PRKG1: variants seen among roughly 807,000 people sequenced by gnomAD.
PRKG1 encodes cGMP-dependent protein kinase 1.
Under a neutral mutation model 88.1 loss-of-function variants are expected in PRKG1, and 35 were observed. The observed-to-expected ratio is 0.40, with a 90% CI of 0.30 to 0.53. PRKG1 has a LOEUF of 0.53. Among genes scored for constraint, PRKG1 ranks in the 20% least tolerant of loss-of-function variants. The probability of loss-of-function intolerance (pLI) is 0.59; values close to 1 mark genes in which losing one functional copy is unlikely to be tolerated. For missense variants in PRKG1, 540 were observed against 839.8 expected (o/e 0.64, Z 4.41); for synonymous variants, 303 against 292.5 (o/e 1.04, Z -0.37).
At chr10:52,270,865 TATA>T (rs542904681) in intron 10 of PRKG1, among the ~76,000 whole-genome samples, 32 of 151,650 alleles carry the variant, frequency 2.1e-4, no homozygotes, top group South Asian at 2.1e-3. Flanking sequence ...GAACTTAAAG[TATA>T]ATAATAATAA....
At chr10:52,261,972 CA>C (rs1263919873) in intron 10 of PRKG1, among the ~76,000 whole-genome samples, 1 of 152,026 alleles carries the variant, frequency 6.6e-6, no homozygotes, top group Non-Finnish European at 1.5e-5. Context: ...TGGCCATGTC[CA>C]AAAAGTTATT....
intron 2 of PRKG1, among the ~76,000 whole-genome samples, chr10:51,298,816 TAGGGAATTGGA>T (rs1259605712): frequency 6.6e-6 from 1 of 152,090 alleles, no homozygotes; most frequent in Non-Finnish European, 1.5e-5. Context: ...TTAAATAGGA[TAGGGAATTGGA>T]AGGGAAGTGC....
chr10:51,018,078 T>G (rs1843091867), intron 1 of PRKG1, among the ~76,000 whole-genome samples: 1 of 152,142 alleles, frequency 6.6e-6, no homozygotes, highest in Non-Finnish European at 1.5e-5. Flanking sequence ...CATCTTGGCC[T>G]CCTATAGGGT....
At chr10:51,940,525 A>C (rs892547983) in intron 5 of PRKG1, among the ~76,000 whole-genome samples, 3 of 151,882 alleles carry the variant, frequency 2.0e-5, no homozygotes, top group Non-Finnish European at 4.4e-5. Flanking sequence ...TATGATGGCT[A>C]TACTGGTTTT....
chr10:52,215,469 G>A (rs1840087923), intron 9 of PRKG1, among the ~76,000 whole-genome samples: 1 of 151,944 alleles, frequency 6.6e-6, no homozygotes, highest in African/African-American at 2.4e-5. Flanking sequence ...AGATATACAG[G>A]CATTTAGATA....
chr10:52,115,704 T>C (rs1251910067), intron 7 of PRKG1, among the ~76,000 whole-genome samples: 3 of 152,138 alleles, frequency 2.0e-5, no homozygotes, highest in Non-Finnish European at 4.4e-5. Flanking sequence ...TGCATTATAA[T>C]TGTCAAAAAC....
At chr10:51,794,990 G>C (rs748272853) in intron 3 of PRKG1, among the ~76,000 whole-genome samples, 1 of 152,002 alleles carries the variant, frequency 6.6e-6, no homozygotes, top group African/African-American at 2.4e-5. Context: ...TTCATTATGC[G>C]TAGTAAATGT....
chr10:52,092,761 A>G (rs1847085450), intron 7 of PRKG1, among the ~76,000 whole-genome samples: 1 of 152,188 alleles, frequency 6.6e-6, no homozygotes, highest in African/African-American at 2.4e-5. Context: ...GATGTTTTAA[A>G]CCAAATTTCT....
At chr10:51,699,339 G>C in intron 3 of PRKG1, 2 of 1,614,122 alleles carry the variant, frequency 1.2e-6, no homozygotes, top group Non-Finnish European at 1.7e-6. Context: ...ATGGCACTAA[G>C]CGCGGTCTCC....
chr10:51,725,628 CTT>C (rs59354639), intron 3 of PRKG1, among the ~76,000 whole-genome samples: 2 of 145,080 alleles, frequency 1.4e-5, no homozygotes, highest in Non-Finnish European at 3.0e-5. Context: ...TTTTTCTTTT[CTT>C]TTTTTTTTTT....
rs1464512595 is a variant in PRKG1 at position 51,626,975 on chromosome 10, AG to A, written c.592+159141del. Among the ~76,000 whole-genome samples, 10 of 152,204 alleles carry A rather than the reference AG, an allele frequency of 6.6e-5. 1 individual carries two copies. In the South Asian group the frequency reaches 1.2e-3, roughly 19 times the overall value. ...GTTTATGAAAACCTACCATAGTGCC[AG>A]GTACTGAAAGTATGGAAATGAGAGA... On this transcript the variant is annotated intron_variant, in intron 3 of 17. Coordinates refer to ENST00000373980, the MANE Select transcript of PRKG1 (RefSeq NM_006258.4).
chr10:51,708,029 A>G (rs1330532733), intron 3 of PRKG1, among the ~76,000 whole-genome samples: 1 of 152,188 alleles, frequency 6.6e-6, no homozygotes, highest in Non-Finnish European at 1.5e-5. Context: ...TTTTCATGAC[A>G]TTTTGTTATC....
chr10:51,793,590 A>G (rs1431448148), intron 3 of PRKG1, among the ~76,000 whole-genome samples: 1 of 152,240 alleles, frequency 6.6e-6, no homozygotes, highest in African/African-American at 2.4e-5. Context: ...ACTGTAAGAC[A>G]TAATCAAACT....
chr10:52,073,786 T>G (rs2133290848), intron 7 of PRKG1, among the ~76,000 whole-genome samples: 1 of 152,298 alleles, frequency 6.6e-6, no homozygotes, highest in Middle Eastern at 3.4e-3. Context: ...GTCAAGGAAC[T>G]CATTACAGGA....
chr10:51,101,976 A>T (rs1844695856), intron 1 of PRKG1, among the ~76,000 whole-genome samples: 1 of 152,204 alleles, frequency 6.6e-6, no homozygotes, highest in African/African-American at 2.4e-5. Flanking sequence ...GCGTGCTGGC[A>T]AATACTTAAC....
chr10:52,131,022 G>A (rs1056820892), intron 7 of PRKG1, among the ~76,000 whole-genome samples: 5 of 152,160 alleles, frequency 3.3e-5, no homozygotes, highest in Non-Finnish European at 7.4e-5. Flanking sequence ...GTGGCTACTC[G>A]TATTCCCATT....
intron 1 of PRKG1, among the ~76,000 whole-genome samples, chr10:51,088,547 T>C (rs1358616331): frequency 6.6e-6 from 1 of 152,132 alleles, no homozygotes; most frequent in African/African-American, 2.4e-5. Flanking sequence ...AGACACTCCT[T>C]TGTTTCTTCC....
chr10:51,723,616 A>AC, intron 3 of PRKG1, among the ~76,000 whole-genome samples: 1 of 123,922 alleles, frequency 8.1e-6, no homozygotes, highest in Non-Finnish European at 1.9e-5. Context: ...TTAAAGCATG[A>AC]CAAAAAAAAA....
intron 4 of PRKG1, among the ~76,000 whole-genome samples, chr10:51,874,390 A>T (rs775607400): frequency 6.6e-6 from 1 of 152,248 alleles, no homozygotes; most frequent in East Asian, 1.9e-4. Context: ...AGAGCATGAA[A>T]GCCGAGAAGT....
Sources: gnomAD v4.1 joint callset for allele counts (sites outside exome capture counted in the v4.1 genomes callset) on GRCh38, gnomAD v4.1.1 for gene constraint, MANE v1.5 for transcripts, NCBI Gene and HGNC (gene_info 2026-07-23, HGNC 2026-07-21) for gene names.